CNTNAP5: variants seen among roughly 807,000 people sequenced by gnomAD.
The protein encoded by CNTNAP5 is contactin-associated protein-like 5.
CNTNAP5 carries 72 observed loss-of-function variants against 150.2 expected under a neutral mutation model. The ratio of observed to expected loss-of-function variants is 0.48; its 90% CI spans 0.40 to 0.58. CNTNAP5 has a LOEUF of 0.58. Ranked by LOEUF, CNTNAP5 falls within the 20% of genes least tolerant of loss-of-function variation. The probability of loss-of-function intolerance (pLI) is 0.00; values close to 1 mark genes in which losing one functional copy is unlikely to be tolerated. For synonymous variants in CNTNAP5, 672 were observed against 619.8 expected (o/e 1.08, Z -1.25); for missense variants, 1,636 against 1,626.2 (o/e 1.01, Z -0.10).
chr2:124,644,905 TACACAC>T (rs3039906), intron 12 of CNTNAP5, among the ~76,000 whole-genome samples: 73,752 of 150,122 alleles, frequency 0.49, 19,486 homozygotes, highest in Non-Finnish European at 0.62. Context: ...CACACACACA[TACACAC>T]ACACACACAC....
At chr2:124,155,728 T>C (rs986882399) in intron 1 of CNTNAP5, among the ~76,000 whole-genome samples, 4 of 152,120 alleles carry the variant, frequency 2.6e-5, no homozygotes, top group Admixed American at 6.5e-5. Flanking sequence ...GTAGAAAAGG[T>C]TTATATTTGA....
intron 3 of CNTNAP5, among the ~76,000 whole-genome samples, chr2:124,416,085 A>G (rs1402575681): frequency 1.3e-5 from 2 of 151,954 alleles, no homozygotes; most frequent in African/African-American, 2.4e-5. Flanking sequence ...TTCCCTAATT[A>G]ATTACATTTC....
At chr2:124,331,968 A>C in intron 3 of CNTNAP5, among the ~76,000 whole-genome samples, 1 of 152,106 alleles carries the variant, frequency 6.6e-6, no homozygotes, top group East Asian at 1.9e-4. Context: ...AGCTCATCTT[A>C]AGAAAAGTTC....
Position 124,619,869 on chromosome 2 carries a change from A to G in CNTNAP5, c.1876+9949A>G, listed in dbSNP as rs1413887266. Among the ~76,000 whole-genome samples, 152 of 118,600 alleles carry G rather than the reference A, an allele frequency of 1.3e-3. 3 individuals carry two copies. Among genetic ancestry groups the G allele is most frequent in the African/African-American group, 5.7e-3 (150 of 26,194 alleles). 77.8% of individuals were successfully genotyped at this position (118,600 alleles called of 152,430 possible). ...TATATATATATATATATATATATAT[A>G]TATATATATATATATACTCCTTCTC... On this transcript the variant is annotated intron_variant, in intron 12 of 23. Transcript: ENST00000682447.
At chr2:124,147,778 T>C (rs1012631716) in intron 1 of CNTNAP5, among the ~76,000 whole-genome samples, 5 of 152,164 alleles carry the variant, frequency 3.3e-5, no homozygotes, top group Non-Finnish European at 7.3e-5. Context: ...CTGCAGGGCA[T>C]AGAGGCTTGG....
At chr2:124,493,286 G>T (rs1386763751) in intron 7 of CNTNAP5, among the ~76,000 whole-genome samples, 1 of 151,496 alleles carries the variant, frequency 6.6e-6, no homozygotes, top group Admixed American at 6.6e-5. Flanking sequence ...AGCTATGCTT[G>T]CATTGCAGCC....
At chr2:124,100,843 CA>C (rs1683046649) in intron 1 of CNTNAP5, among the ~76,000 whole-genome samples, 3 of 67,914 alleles carry the variant, frequency 4.4e-5, no homozygotes, top group South Asian at 8.1e-4. Flanking sequence ...ACAGCCTGGG[CA>C]AAAAAGTGAG....
intron 10 of CNTNAP5, among the ~76,000 whole-genome samples, chr2:124,559,092 C>T (rs1159863514): frequency 1.3e-5 from 2 of 152,208 alleles, no homozygotes; most frequent in African/African-American, 4.8e-5. Context: ...GAGGCCCAAA[C>T]CATGTACCTC....
chr2:124,242,789 C>T (rs1414900958), intron 3 of CNTNAP5, among the ~76,000 whole-genome samples: 1 of 152,148 alleles, frequency 6.6e-6, no homozygotes, highest in African/African-American at 2.4e-5. Flanking sequence ...TATTTTGTAA[C>T]AACACAGCTA....
intron 1 of CNTNAP5, among the ~76,000 whole-genome samples, chr2:124,108,056 G>A (rs954818632): frequency 1.3e-5 from 2 of 152,220 alleles, no homozygotes; most frequent in African/African-American, 4.8e-5. Context: ...CAGTGGGGCA[G>A]AAGAAACAGT....
intron 13 of CNTNAP5, among the ~76,000 whole-genome samples, chr2:124,672,926 T>C (rs1404131076): frequency 6.6e-6 from 1 of 151,960 alleles, no homozygotes; most frequent in African/African-American, 2.4e-5. Context: ...AAAAGAGAAT[T>C]ACAGAACTAG....
In CNTNAP5 at chr2:124,400,951, A is replaced by G. The variant is rs1233178003; in HGVS notation, c.382-16492A>G. 2.0e-5 allele frequency among the ~76,000 whole-genome samples: 3 copies of G among 152,056 alleles called. No homozygotes were observed. In the East Asian group the frequency reaches 5.8e-4, roughly 29 times the overall value. ...CAGTTGCATGATCTTGGCTCACTGC[A>G]ACCTCCGCCTCCCGGGTTCAAGCGA... On this transcript the variant is annotated intron_variant, in intron 3 of 23. Transcript: ENST00000682447.
At chr2:124,669,153 C>T (rs1210805977) in intron 13 of CNTNAP5, among the ~76,000 whole-genome samples, 2 of 152,146 alleles carry the variant, frequency 1.3e-5, no homozygotes, top group Non-Finnish European at 2.9e-5. Context: ...CAGTTGCACA[C>T]CTAAAGATGT....
chr2:124,834,268 G>A (rs532876905), intron 19 of CNTNAP5, among the ~76,000 whole-genome samples: 19 of 152,260 alleles, frequency 1.2e-4, no homozygotes, highest in African/African-American at 4.6e-4. Context: ...TAAAGCTGAT[G>A]TCTAGTATCT....
At chr2:124,389,618 T>C (rs770299236) in intron 3 of CNTNAP5, among the ~76,000 whole-genome samples, 1 of 152,158 alleles carries the variant, frequency 6.6e-6, no homozygotes, top group Non-Finnish European at 1.5e-5. Context: ...CTTCCACAAG[T>C]AGTAGAGATG....
intron 11 of CNTNAP5, among the ~76,000 whole-genome samples, chr2:124,586,700 A>G (rs751526124): frequency 5.9e-5 from 9 of 152,134 alleles, no homozygotes; most frequent in Non-Finnish European, 1.3e-4. Context: ...TATCACAGCA[A>G]TCTAAAGGCT....
At chr2:124,356,803 G>C (rs1449646656) in intron 3 of CNTNAP5, among the ~76,000 whole-genome samples, 1 of 151,194 alleles carries the variant, frequency 6.6e-6, no homozygotes, top group South Asian at 2.1e-4. Flanking sequence ...ATGATTTATA[G>C]TCCTTTGGGT....
intron 1 of CNTNAP5, among the ~76,000 whole-genome samples, chr2:124,168,296 A>G (rs1243194056): frequency 6.6e-6 from 1 of 152,174 alleles, no homozygotes; most frequent in Non-Finnish European, 1.5e-5. Flanking sequence ...AGCAAGGTAA[A>G]GAGTCTGCCC....
At chr2:124,493,778 C>T (rs1301759596) in intron 7 of CNTNAP5, among the ~76,000 whole-genome samples, 1 of 152,080 alleles carries the variant, frequency 6.6e-6, no homozygotes, top group Non-Finnish European at 1.5e-5. Flanking sequence ...TTTCCCTTCA[C>T]ACACACTTGC....
Sources: gnomAD v4.1 joint callset for allele counts (sites outside exome capture counted in the v4.1 genomes callset) on GRCh38, gnomAD v4.1.1 for gene constraint, MANE v1.5 for transcripts, NCBI Gene and HGNC (gene_info 2026-07-23, HGNC 2026-07-21) for gene names.